Variants in PALS2 observed in about 807,000 individuals in gnomAD.
PALS2 encodes protein associated with LIN7 2, MAGUK p55 family member, also known as protein PALS2.
In PALS2, 27 loss-of-function variants were observed where a neutral mutation model predicts 61.6. The ratio of observed to expected loss-of-function variants is 0.44; its 90% CI spans 0.32 to 0.60. PALS2 has a LOEUF of 0.60. Ranked by LOEUF, PALS2 falls within the 20% of genes least tolerant of loss-of-function variation. The pLI, the probability that PALS2 is intolerant of heterozygous loss-of-function variation, is 0.05. For synonymous variants in PALS2, 236 were observed against 218.6 expected, an observed-to-expected ratio of 1.08 and a Z score of -0.70; for missense variants, 554 against 639.4, an observed-to-expected ratio of 0.87 and a Z score of 1.44.
chr7:24,665,099 G>A, intron 6 of PALS2, among the ~76,000 whole-genome samples: 1 of 152,124 alleles, frequency 6.6e-6, no homozygotes, highest in East Asian at 1.9e-4. Context: ...GTTTCGCCTA[G>A]TTTAAACTTA....
intron 1 of PALS2, among the ~76,000 whole-genome samples, chr7:24,579,499 C>G (rs916432269): frequency 1.3e-5 from 2 of 152,176 alleles, no homozygotes; most frequent in Non-Finnish European, 2.9e-5. Flanking sequence ...ACTGAAACAG[C>G]AGGCTTCCTC....
Position 24,687,495 on chromosome 7 carries a change from C to T in PALS2, c.1504C>T (p.His502Tyr). Residue 502 changes from histidine (H) to tyrosine (Y), a missense_variant, in exon 12 of 12, where the codon CAC becomes TAC. Physicochemically the swap from His to Tyr is moderately conservative, Grantham distance 83. Coordinates refer to ENST00000222644, the MANE Select transcript of PALS2 (RefSeq NM_001303037.2). The surrounding 1 kb of genome is among the most constrained non-coding windows in gnomAD (Gnocchi z 4.5). ...ESARIQRAYN[H>Y]YFDLIIINDN... is the part of the protein sequence containing the mutation. ...TGCACGGATTCAGAGAGCATACAAC[C>T]ACTATTTTGATTTGATCATCATAAA... The T allele has an allele frequency of 6.2e-7, 1 of 1,612,658 alleles. No homozygotes were observed. Among genetic ancestry groups the T allele is most frequent in the East Asian group, 2.2e-5 (1 of 44,744 alleles).
At chr7:24,653,005 A>G (rs1338723306) in intron 5 of PALS2, among the ~76,000 whole-genome samples, 1 of 152,204 alleles carries the variant, frequency 6.6e-6, no homozygotes, top group East Asian at 1.9e-4. Context: ...TCCGGGGGCT[A>G]TTCGTAATTC....
rs1396114296 is a variant in PALS2, at chr7:24,692,287, C to A, written c.*4673C>A. On this transcript the variant is annotated 3_prime_UTR_variant, in exon 12 of 12. Transcript: ENST00000222644. ...TATTCTCTAGTGATAAAAGTAAAGA[C>A]AGGGTACTGGCCAAGATCCTAATTC... The A allele has an allele frequency of 6.6e-6, 1 of 152,166 alleles. No individual in the cohort carries two copies. The highest frequency in any genetic ancestry group is 1.5e-5 in the Non-Finnish European group (1 of 67,998). The allele number at this position is 152,166 out of a possible 1,614,324, so 9.4% of individuals were successfully genotyped here. A position where few individuals can be genotyped will look rare whatever the true frequency, so the allele number is the denominator to read the frequency against.
chr7:24,646,073 A>G (rs921104839), intron 3 of PALS2, among the ~76,000 whole-genome samples: 1 of 152,076 alleles, frequency 6.6e-6, no homozygotes, highest in Non-Finnish European at 1.5e-5. Flanking sequence ...GGGGTTTTCT[A>G]TATATAGAAT....
chr7:24,636,212 CAAAAAAA>C (rs553687246), intron 2 of PALS2, among the ~76,000 whole-genome samples: 1 of 65,376 alleles, frequency 1.5e-5, no homozygotes, highest in East Asian at 4.6e-4. Flanking sequence ...AACTCTATCT[CAAAAAAA>C]AAAAAAAAAA....
chr7:24,660,338 T>C (rs2128084681), intron 5 of PALS2, among the ~76,000 whole-genome samples: 1 of 152,300 alleles, frequency 6.6e-6, no homozygotes, highest in African/African-American at 2.4e-5. Flanking sequence ...CCCCCACCAG[T>C]AACAAACTTT....
chr7:24,623,389 A>G (rs904745469), intron 1 of PALS2, among the ~76,000 whole-genome samples: 1 of 152,018 alleles, frequency 6.6e-6, no homozygotes, highest in African/African-American at 2.4e-5. Flanking sequence ...TTTAAATTTG[A>G]AAAATACAGA....
chr7:24,613,761 G>C (rs1380453367), intron 1 of PALS2, among the ~76,000 whole-genome samples: 3 of 151,472 alleles, frequency 2.0e-5, no homozygotes, highest in Non-Finnish European at 3.0e-5. Context: ...ATTCTTCCCT[G>C]CCTCTAGTAA....
chr7:24,607,350 T>G (rs1371001584), intron 1 of PALS2, among the ~76,000 whole-genome samples: 2 of 152,068 alleles, frequency 1.3e-5, no homozygotes, highest in African/African-American at 2.4e-5. Context: ...ATGTCATTGC[T>G]ACAACCTGTT....
At chr7:24,657,992 T>C (rs866313630) in intron 5 of PALS2, among the ~76,000 whole-genome samples, 6 of 148,064 alleles carry the variant, frequency 4.1e-5, no homozygotes, top group African/African-American at 1.6e-4. Context: ...ACTTTGACAA[T>C]AATTTCTTCA....
rs984589269 is a variant in PALS2, at chr7:24,666,194, A to C, written c.952+105A>C. On this transcript the variant is annotated intron_variant, in intron 8 of 11. Transcript: ENST00000222644. ...GCTTTAAGTGAGTGTAATTCAGATT[A>C]GTACCTAGTTGCAAGGGGCTGACAT... 4.0e-6 allele frequency: 4 copies of C among 991,766 alleles called. No homozygotes were observed. In the African/African-American group the frequency reaches 6.5e-5, roughly 16 times the overall value. 61.4% of individuals were successfully genotyped at this position (991,766 alleles called of 1,614,324 possible).
At chr7:24,632,785 C>A (rs74702284) in intron 2 of PALS2, among the ~76,000 whole-genome samples, 1 of 152,030 alleles carries the variant, frequency 6.6e-6, no homozygotes, top group East Asian at 1.9e-4. Flanking sequence ...TATTTGTTGC[C>A]TGCTTGCCTG....
chr7:24,599,187 TG>T (rs1191258864), intron 1 of PALS2, among the ~76,000 whole-genome samples: 1 of 152,166 alleles, frequency 6.6e-6, no homozygotes, highest in Non-Finnish European at 1.5e-5. Flanking sequence ...GTGGGCTATT[TG>T]GCCTATTGTT....
At chr7:24,667,481 C>CACG in intron 8 of PALS2, among the ~76,000 whole-genome samples, 1 of 151,952 alleles carries the variant, frequency 6.6e-6, no homozygotes, top group Non-Finnish European at 1.5e-5. Context: ...CTTAAGCAAC[C>CACG]ACGCTAGGTT....
chr7:24,583,982 G>C (rs370279961), intron 1 of PALS2, among the ~76,000 whole-genome samples: 11 of 149,614 alleles, frequency 7.4e-5, no homozygotes, highest in African/African-American at 1.5e-4. Context: ...CCCTACAAAG[G>C]ACATGAACTC....
intron 1 of PALS2, among the ~76,000 whole-genome samples, chr7:24,605,121 A>C (rs1232876673): frequency 1.3e-5 from 2 of 152,342 alleles, no homozygotes; most frequent in East Asian, 3.9e-4. Context: ...TCTTCATGCC[A>C]ATATTATCAG....
intron 1 of PALS2, among the ~76,000 whole-genome samples, chr7:24,605,607 T>C (rs1326821163): frequency 6.6e-6 from 1 of 152,026 alleles, no homozygotes; most frequent in Non-Finnish European, 1.5e-5. Flanking sequence ...ACATAAAGAA[T>C]AGGTCTATAA....
At chr7:24,644,070 T>A (rs1785700667) in intron 3 of PALS2, among the ~76,000 whole-genome samples, 1 of 151,794 alleles carries the variant, frequency 6.6e-6, no homozygotes, top group Non-Finnish European at 1.5e-5. Context: ...TAATAATCCT[T>A]GCCTAAATCA....
Sources: allele counts gnomAD v4.1 joint callset (sites outside exome capture counted in the v4.1 genomes callset), GRCh38; gene constraint gnomAD v4.1.1; non-coding constraint Gnocchi (gnomAD v3.1); transcripts MANE v1.5; gene names NCBI Gene and HGNC (gene_info 2026-07-23, HGNC 2026-07-21).